Variants in ADAM12 observed in about 807,000 individuals in gnomAD.
The protein encoded by ADAM12 is disintegrin and metalloproteinase domain-containing protein 12.
In ADAM12, 70 loss-of-function variants were observed where a neutral mutation model predicts 106.4. The ratio of observed to expected loss-of-function variants is 0.66; its 90% CI spans 0.54 to 0.80. The LOEUF (loss-of-function observed/expected upper bound fraction) is 0.80. ADAM12 is among the 30% of genes least tolerant of loss of function. The probability of loss-of-function intolerance (pLI) is 0.00; values close to 1 mark genes in which losing one functional copy is unlikely to be tolerated. For synonymous variants in ADAM12, 420 were observed against 433.5 expected, an observed-to-expected ratio of 0.97 and a Z score of 0.39; for missense variants, 1,010 against 1,171.9, an observed-to-expected ratio of 0.86 and a Z score of 2.02.
chr10:126,323,497 C>A (rs868858177), intron 2 of ADAM12, among the ~76,000 whole-genome samples: 1 of 152,172 alleles, frequency 6.6e-6, no homozygotes, highest in South Asian at 2.1e-4. Context: ...TAGGAAACAT[C>A]TAAAAAGTTG....
chr10:126,304,443 T>G (rs1960757218), intron 2 of ADAM12, among the ~76,000 whole-genome samples: 1 of 151,852 alleles, frequency 6.6e-6, no homozygotes, highest in South Asian at 2.1e-4. Context: ...ATAAATGATC[T>G]AAATACTCCA....
chr10:126,019,845 A>C lies in ADAM12; in HGVS notation c.2530-20T>G. On this transcript the variant is annotated intron_variant, in intron 21 of 22. Coordinates refer to ENST00000448723, the MANE Select transcript of ADAM12 (RefSeq NM_001288973.2). ...GGTCCCCTGCAATAAACATAGGGTTAGGCAGGGTCACTTACCAGGAGCCAG... is the reference window on the plus strand; with the variant it reads ...GGTCCCCTGCAATAAACATAGGGTTCGGCAGGGTCACTTACCAGGAGCCAG... The C allele has an allele frequency of 6.2e-7, 1 of 1,604,476 alleles. No individual in the cohort carries two copies. The highest frequency in any genetic ancestry group is 8.5e-7 in the Non-Finnish European group (1 of 1,174,854).
chr10:126,365,373 T>C (rs1855874575), intron 1 of ADAM12, among the ~76,000 whole-genome samples: 1 of 152,100 alleles, frequency 6.6e-6, no homozygotes, highest in African/African-American at 2.4e-5. Context: ...ATGATAATAA[T>C]TGGTAACAAT....
In ADAM12 at chr10:126,317,826, T is replaced by G. The variant is rs182973045; in HGVS notation, c.186+12586A>C. Among the ~76,000 whole-genome samples, 747 of 152,310 alleles carry G rather than the reference T, an allele frequency of 4.9e-3. 7 individuals are homozygous for G. The highest frequency in any genetic ancestry group is 7.3e-3 in the Non-Finnish European group (494 of 68,032). The stretch of plus-strand genomic sequence containing the variant: ...CATACTGGAGTGCAGTGGTGCAATG[T>G]TGGCTCACTGCAACCTCCGCCTCCT... On this transcript the variant is annotated intron_variant, in intron 2 of 22. Transcript: ENST00000448723.
intron 1 of ADAM12, among the ~76,000 whole-genome samples, chr10:126,348,390 C>A (rs377035864): frequency 6.6e-6 from 1 of 152,030 alleles, no homozygotes; most frequent in Admixed American, 6.5e-5. Flanking sequence ...TGGGCATTCA[C>A]GTGGGAGGAT....
chr10:126,253,177 T>G (rs1421279758), intron 3 of ADAM12, among the ~76,000 whole-genome samples: 1 of 152,212 alleles, frequency 6.6e-6, no homozygotes, highest in East Asian at 1.9e-4. Context: ...AACCTCTCCC[T>G]GCAGGGTCCA....
At chr10:126,218,536 C>T (rs1958030983) in intron 3 of ADAM12, among the ~76,000 whole-genome samples, 1 of 152,152 alleles carries the variant, frequency 6.6e-6, no homozygotes, top group Non-Finnish European at 1.5e-5. Context: ...GTGCTTGGGT[C>T]TGTGAGGTAC....
At chr10:126,279,450 C>T (rs1465376022) in intron 2 of ADAM12, among the ~76,000 whole-genome samples, 1 of 133,542 alleles carries the variant, frequency 7.5e-6, no homozygotes, top group African/African-American at 2.9e-5. Flanking sequence ...AGAAAACAAG[C>T]CTGTAATCCC....
At chr10:126,039,452 C>T (rs769325666) in intron 18 of ADAM12, 23 bp from the exon 19 acceptor site, 1 of 1,613,514 alleles carries the variant, frequency 6.2e-7, no homozygotes, top group East Asian at 2.2e-5. Flanking sequence ...ACATGGGGCT[C>T]ACAGAAGGAG....
chr10:126,025,940 C>T (rs936254367), intron 21 of ADAM12, among the ~76,000 whole-genome samples: 1 of 152,186 alleles, frequency 6.6e-6, no homozygotes, highest in African/African-American at 2.4e-5. Context: ...GAAAGCCTAT[C>T]AGACTAACAG....
chr10:126,185,307 C>T lies in ADAM12; in HGVS notation c.261-30002G>A, dbSNP rs185656360. Among the ~76,000 whole-genome samples, 118 of 152,328 alleles carry T rather than the reference C, an allele frequency of 7.7e-4. 1 individual carries two copies. Among genetic ancestry groups the T allele is most frequent in the South Asian group, 7.5e-3 (36 of 4,828 alleles). On this transcript the variant is annotated intron_variant, in intron 3 of 22. Transcript: ENST00000448723. Reference sequence around the variant, plus strand: ...AAAATAAAAAGGGTCTGAACTTACTCTTCAGCTTTCTTTTGTGGAATTTCT... The same window carrying T: ...AAAATAAAAAGGGTCTGAACTTACTTTTCAGCTTTCTTTTGTGGAATTTCT...
chr10:126,365,063 GA>G, intron 1 of ADAM12, among the ~76,000 whole-genome samples: 1 of 152,250 alleles, frequency 6.6e-6, no homozygotes, highest in East Asian at 1.9e-4. Context: ...TATGTTAAGG[GA>G]TATGACCCTG....
intron 6 of ADAM12, among the ~76,000 whole-genome samples, chr10:126,117,248 G>A (rs1408785579): frequency 6.6e-6 from 1 of 152,184 alleles, no homozygotes; most frequent in South Asian, 2.1e-4. Flanking sequence ...GAGAGAAAAG[G>A]GGCAGGCCAC....
chr10:126,181,194 C>T (rs1366895912), intron 3 of ADAM12, among the ~76,000 whole-genome samples: 3 of 151,902 alleles, frequency 2.0e-5, no homozygotes, highest in African/African-American at 7.3e-5. Flanking sequence ...GCCTCAGCCT[C>T]CTGAGTAGCT....
intron 3 of ADAM12, among the ~76,000 whole-genome samples, chr10:126,212,186 C>A (rs1463168021): frequency 6.6e-6 from 1 of 152,200 alleles, no homozygotes; most frequent in Non-Finnish European, 1.5e-5. Context: ...TGAGGATTTT[C>A]TCCTCTTTTA....
intron 3 of ADAM12, among the ~76,000 whole-genome samples, chr10:126,255,653 G>A (rs73384737): frequency 0.037 from 5,596 of 152,260 alleles, 339 homozygotes; most frequent in African/African-American, 0.12. Flanking sequence ...TCCTGCCCAC[G>A]GAGGGTCCCT....
In ADAM12 at chr10:126,094,120, T is replaced by C. The variant is rs1267797916; in HGVS notation, c.1010A>G (p.Asn337Ser). ...CAGGGTCACGGCTGCACCAAGGGGA[T>C]TGTCTGAATGGTCCTCAAAGAAAAC... Reference protein sequence around the residue: ...SGGIVMDHSDNPLGAAVTLAH... With the variant: ...SGGIVMDHSDSPLGAAVTLAH... The change falls in exon 11 of 23, where the codon AAT (asparagine) becomes AGT (serine). Residue 337 changes from asparagine (N) to serine (S), a missense_variant. Coordinates refer to ENST00000448723, the MANE Select transcript of ADAM12 (RefSeq NM_001288973.2). The C allele has an allele frequency of 6.2e-7, 1 of 1,614,062 alleles. No individual in the cohort carries two copies. The highest frequency in any genetic ancestry group is 1.1e-5 in the South Asian group (1 of 91,050).
At chr10:126,244,470 C>T (rs758518235) in intron 3 of ADAM12, among the ~76,000 whole-genome samples, 2 of 152,154 alleles carry the variant, frequency 1.3e-5, no homozygotes, top group Admixed American at 6.5e-5. Flanking sequence ...TTAGGCATTT[C>T]CAGAAAACTC....
chr10:126,178,137 A>G (rs1438208519), intron 3 of ADAM12, among the ~76,000 whole-genome samples: 1 of 152,214 alleles, frequency 6.6e-6, no homozygotes, highest in African/African-American at 2.4e-5. Context: ...CAATCATCAC[A>G]GTCATTTAAA....
Sources: gnomAD v4.1 joint callset for allele counts (sites outside exome capture counted in the v4.1 genomes callset) on GRCh38, gnomAD v4.1.1 for gene constraint, MANE v1.5 for transcripts, NCBI Gene and HGNC (gene_info 2026-07-23, HGNC 2026-07-21) for gene names.